Variants in CD48 observed in about 807,000 individuals in gnomAD.
CD48 encodes CD48 molecule, also known as CD48 antigen.
Under a neutral mutation model 22.0 loss-of-function variants are expected in CD48, and 20 were observed. That is an observed-to-expected ratio of 0.91 (90% CI 0.64 to 1.32). CD48 has a LOEUF of 1.32. Among genes scored for constraint, CD48 ranks in the 40% most tolerant of loss-of-function variants. The pLI, the probability that CD48 is intolerant of heterozygous loss-of-function variation, is 0.00. For synonymous variants in CD48, 110 were observed against 110.1 expected, an observed-to-expected ratio of 1.00 and a Z score of 0.01; for missense variants, 307 against 286.5, an observed-to-expected ratio of 1.07 and a Z score of -0.52.
intron 1 of CD48, chr1:160,699,165 A>T (rs1436402921): frequency 1.3e-5 from 2 of 154,142 alleles, no homozygotes; most frequent in African/African-American, 4.8e-5. Context: ...GATGCTGTTA[A>T]TCTATGACCT....
chr1:160,684,319 G>A (rs997219519), intron 2 of CD48: 2 of 158,874 alleles, frequency 1.3e-5, no homozygotes, highest in African/African-American at 4.8e-5. Context: ...GAGATGTGAA[G>A]ATCTTTTTTC....
intron 1 of CD48, among the ~76,000 whole-genome samples, chr1:160,704,267 G>C (rs1440762691): frequency 6.6e-6 from 1 of 152,142 alleles, no homozygotes; most frequent in Non-Finnish European, 1.5e-5. Context: ...ACATTAATTA[G>C]ACCACAGCCT....
intron 1 of CD48, among the ~76,000 whole-genome samples, chr1:160,705,102 C>G (rs908035663): frequency 6.6e-6 from 1 of 152,172 alleles, no homozygotes; most frequent in African/African-American, 2.4e-5. Context: ...TCCACATATC[C>G]ATCATTTCCA....
chr1:160,711,716 C>A lies in CD48; in HGVS notation c.48G>T (p.Leu16=). 1 of 1,613,730 alleles carries A rather than the reference C, an allele frequency of 6.2e-7. No individual in the cohort carries two copies. Among genetic ancestry groups the A allele is most frequent in the Non-Finnish European group, 8.5e-7 (1 of 1,179,698 alleles). The change falls in exon 1 of 4, where the codon CTG becomes CTT. Residue 16 remains leucine (L), a synonymous_variant. Coordinates refer to ENST00000368046, the MANE Select transcript of CD48 (RefSeq NM_001778.4). ...WDSCLALELL[L]LPLSLLVTSI... is the part of the protein sequence containing the mutation. ...TGGTCACCAGGAGTGACAGAGGCAG[C>A]AGTAGCAATTCCAGAGCCAGACACG... is the stretch of plus-strand genomic sequence containing the variant.
intron 3 of CD48, 193 bp downstream of exon 3, chr1:160,681,009 C>A (rs932602843): frequency 2.1e-6 from 3 of 1,457,004 alleles, no homozygotes; most frequent in African/African-American, 1.4e-5. Context: ...TGAGCCCCCA[C>A]GAAGTTGAGG....
chr1:160,705,882 A>T (rs1368295606), intron 1 of CD48, among the ~76,000 whole-genome samples: 2 of 152,172 alleles, frequency 1.3e-5, no homozygotes, highest in Non-Finnish European at 2.9e-5. Context: ...CAGTTGTGAC[A>T]GCCAAAAATG....
At chr1:160,692,284 G>A (rs948844351) in intron 1 of CD48, 1 of 152,152 alleles carries the variant, frequency 6.6e-6, no homozygotes, top group Admixed American at 6.5e-5. Context: ...TTTACATTGC[G>A]AATATGTAGC....
At chr1:160,687,848 C>A (rs1320963446) in intron 1 of CD48, among the ~76,000 whole-genome samples, 1 of 152,200 alleles carries the variant, frequency 6.6e-6, no homozygotes, top group Non-Finnish European at 1.5e-5. Flanking sequence ...AATGCCTCAG[C>A]TCCAGGCATG....
At chr1:160,704,058 G>A (rs746732276) in intron 1 of CD48, among the ~76,000 whole-genome samples, 147 of 152,252 alleles carry the variant, frequency 9.7e-4, no homozygotes, top group Admixed American at 4.6e-3. Context: ...CATGTCTTGT[G>A]TGTGCATTTA....
At chr1:160,709,233 G>C (rs1469878447) in intron 1 of CD48, among the ~76,000 whole-genome samples, 4 of 152,206 alleles carry the variant, frequency 2.6e-5, no homozygotes, top group Non-Finnish European at 5.9e-5. Flanking sequence ...ATGTTTAAGA[G>C]ACAGAAGTTC....
chr1:160,680,907 G>T, intron 3 of CD48: 2 of 1,415,978 alleles, frequency 1.4e-6, no homozygotes, highest in Non-Finnish European at 1.8e-6. Flanking sequence ...GATGACCCTG[G>T]CCTCAGATGT....
At chr1:160,682,032 A>G (rs145062628) in intron 2 of CD48, among the ~76,000 whole-genome samples, 50 of 152,332 alleles carry the variant, frequency 3.3e-4, no homozygotes, top group Middle Eastern at 6.8e-3. Context: ...AGCCGCATCA[A>G]TTGTGATAAA....
chr1:160,685,291 TTTCTGC>T, intron 1 of CD48, 102 bp from the exon 2 acceptor site: 2 of 836,324 alleles, frequency 2.4e-6, no homozygotes, highest in Non-Finnish European at 3.7e-6. Context: ...AAGGAAGGGA[TTTCTGC>T]TTAGGAGCAG....
At chr1:160,695,046 A>G (rs140153230) in intron 1 of CD48, among the ~76,000 whole-genome samples, 328 of 127,896 alleles carry the variant, frequency 2.6e-3, no homozygotes, top group East Asian at 0.013. Context: ...TGCCCTCTCC[A>G]GCCATGATCC....
chr1:160,685,152 G>A lies in CD48; in HGVS notation c.120C>T (p.Asn40=), dbSNP rs576472449. 20 of 1,611,838 alleles carry A rather than the reference G, an allele frequency of 1.2e-5. No individual in the cohort carries two copies. The African/African-American group carries it at 1.5e-4, about 12-fold the overall frequency. ...GGCTCTCAGAGATGTTCAGAGTCAC[G>A]TTGCTGCCGGAGACCACGGTCATAT... ...LVHMTVVSGS[N]VTLNISESLP... Residue 40 remains asparagine, a synonymous_variant, in exon 2 of 4, where the codon AAC becomes AAT. Coordinates refer to ENST00000368046, the MANE Select transcript of CD48 (RefSeq NM_001778.4).
At chr1:160,686,468 C>CAAAG (rs1449258700) in intron 1 of CD48, 1 of 152,082 alleles carries the variant, frequency 6.6e-6, no homozygotes, top group Non-Finnish European at 1.5e-5. Flanking sequence ...TAGGGTAAGC[C>CAAAG]AAAGGGTGAT....
At chr1:160,698,215 T>C (rs962600708) in intron 1 of CD48, among the ~76,000 whole-genome samples, 9 of 152,214 alleles carry the variant, frequency 5.9e-5, no homozygotes, top group South Asian at 2.1e-4. Context: ...CCTGTGAAAA[T>C]TGTAGATTGT....
rs761337305 is a variant in CD48 at position 160,684,917 on chromosome 1, G to T, written c.355C>A (p.Gln119Lys). ...MRVLKKTGNE[Q>K]EWKIKLQVLD... ...ACTTGCAGCTTGATCTTCCATTCTT[G>T]CTCATTCCCAGTCTTTTTCAACACC... The change falls in exon 2 of 4, where the codon CAA becomes AAA. Residue 119 changes from glutamine (Q) to lysine (K), a missense_variant. By Grantham distance (53) the Gln-to-Lys change is moderately conservative. Transcript: ENST00000368046. 10 of 1,613,924 alleles carry T rather than the reference G, an allele frequency of 6.2e-6. No homozygotes were observed. Among genetic ancestry groups the T allele is most frequent in the Non-Finnish European group, 8.5e-6 (10 of 1,180,014 alleles).
intron 1 of CD48, among the ~76,000 whole-genome samples, chr1:160,701,475 T>G (rs1662628061): frequency 6.6e-6 from 1 of 151,882 alleles, no homozygotes; most frequent in Non-Finnish European, 1.5e-5. Context: ...TGTAAGGGAA[T>G]GGGATCAGGA....
Sources: allele counts gnomAD v4.1 joint callset (sites outside exome capture counted in the v4.1 genomes callset), GRCh38; gene constraint gnomAD v4.1.1; transcripts MANE v1.5; gene names NCBI Gene and HGNC (gene_info 2026-07-23, HGNC 2026-07-21).